Variants in KMT2C observed in about 807,000 individuals in gnomAD.
KMT2C encodes lysine methyltransferase 2C.
Under a neutral mutation model 507.9 loss-of-function variants are expected in KMT2C, and 88 were observed. That is an observed-to-expected ratio of 0.17 (90% CI 0.15 to 0.21). KMT2C has a LOEUF of 0.21. Ranked by LOEUF, KMT2C falls within the 10% of genes least tolerant of loss-of-function variation. The pLI is 1.00. For synonymous variants in KMT2C, 2,049 were observed against 2,080.8 expected (o/e 0.98, Z 0.42); for missense variants, 4,954 against 5,957.8 (o/e 0.83, Z 5.55).
chr7:152,150,481 T>G (rs1206198961), intron 51 of KMT2C, among the ~76,000 whole-genome samples: 6 of 152,032 alleles, frequency 3.9e-5, no homozygotes, highest in African/African-American at 1.4e-4. Context: ...CTGGGCGTGG[T>G]GGCACGCACC....
chr7:152,318,979 G>T (rs2096747098), intron 3 of KMT2C, among the ~76,000 whole-genome samples: 1 of 152,088 alleles, frequency 6.6e-6, no homozygotes, highest in African/African-American at 2.4e-5. Context: ...TCCAAAATCT[G>T]AAATGCTCCG....
At chr7:152,234,811 G>T (rs2095230360) in intron 16 of KMT2C, among the ~76,000 whole-genome samples, 1 of 152,034 alleles carries the variant, frequency 6.6e-6, no homozygotes. Context: ...ACGGAGGTGG[G>T]AGGTCGAAGC....
At chr7:152,424,052 A>G (rs1427005848) in intron 1 of KMT2C, among the ~76,000 whole-genome samples, 1 of 152,200 alleles carries the variant, frequency 6.6e-6, no homozygotes, top group Non-Finnish European at 1.5e-5. Context: ...GAGAAACTTC[A>G]TTTAACTATT....
intron 42 of KMT2C, 29 bp downstream of exon 42, chr7:152,167,117 A>ACCC (rs1036484953): frequency 3.3e-6 from 5 of 1,519,700 alleles, no homozygotes; most frequent in Non-Finnish European, 2.7e-6. Flanking sequence ...AATTGTTGGT[A>ACCC]GTTTCTATTT....
rs1311674465 is a variant in KMT2C at position 152,176,740 on chromosome 7, C to T, written c.8713G>A (p.Val2905Ile). 1.9e-6 allele frequency: 3 copies of T among 1,614,004 alleles called. No individual in the cohort carries two copies. The highest frequency in any genetic ancestry group is 2.5e-6 in the Non-Finnish European group (3 of 1,180,002). The change falls in exon 38 of 59, where the codon GTA becomes ATA. Residue 2905 changes from valine to isoleucine, a missense_variant. By Grantham distance (29) the Val-to-Ile change is conservative. Around this residue, in one of 29 missense-constraint regions of KMT2C, gnomAD observed 1,689 missense variants for 1,654.3 expected, o/e 1.02. Transcript: ENST00000262189. ...CCAGTTATGCCACAAGAGTTTATTA[C>T]ATCTTGAGCAGGTAGTTGAGTGGAT... ...QASTQLPAQD[V>I]INSCGITGST...
At chr7:152,273,451 A>G (rs1358015546) in intron 7 of KMT2C, among the ~76,000 whole-genome samples, 4 of 152,212 alleles carry the variant, frequency 2.6e-5, no homozygotes, top group Middle Eastern at 3.2e-3. Flanking sequence ...TGGTTTTTAA[A>G]ATGTTTTAAG....
intron 26 of KMT2C, among the ~76,000 whole-genome samples, chr7:152,201,235 A>G (rs933751421): frequency 2.0e-5 from 3 of 151,602 alleles, no homozygotes; most frequent in Non-Finnish European, 2.9e-5. Flanking sequence ...TATCGTCTCT[A>G]AAAGTCCAAG....
intron 18 of KMT2C, among the ~76,000 whole-genome samples, chr7:152,229,182 C>G (rs1451229306): frequency 6.6e-6 from 1 of 152,132 alleles, no homozygotes; most frequent in Non-Finnish European, 1.5e-5. Flanking sequence ...TATGGCAGTA[C>G]TAGAAAAGAT....
Position 152,181,992 on chromosome 7 carries a change from GGAA to G in KMT2C, c.5865_5867del (p.Ser1956del), listed in dbSNP as rs1215281754. On this transcript the variant is annotated inframe_deletion, in exon 36 of 59. Coordinates refer to ENST00000262189, the MANE Select transcript of KMT2C (RefSeq NM_170606.3). The stretch of plus-strand genomic sequence containing the variant: ...TTGCATAGGGGTCATTATTTGTCGT[GGAA>G]GAAGAACATAAATCTCTGACAGGGG... The G allele has an allele frequency of 7.4e-6, 12 of 1,613,982 alleles. No homozygotes were observed. Among genetic ancestry groups the G allele is most frequent in the Non-Finnish European group, 9.3e-6 (11 of 1,180,036 alleles).
At chr7:152,236,050 AGTAT>A (rs1414136390) in intron 15 of KMT2C, 117 bp from the exon 16 acceptor site, 5 of 597,322 alleles carry the variant, frequency 8.4e-6, no homozygotes, top group Non-Finnish European at 1.5e-5. Context: ...TCCTTAGATA[AGTAT>A]TAAGAGACCT....
chr7:152,315,359 G>C (rs370539736), intron 3 of KMT2C, 21 bp from the exon 4 acceptor site: 1 of 1,583,232 alleles, frequency 6.3e-7, no homozygotes, highest in Non-Finnish European at 8.7e-7. Context: ...TGAAATGTAA[G>C]TCAGAGAAGG....
chr7:152,209,949 C>T (rs954774274), intron 23 of KMT2C, among the ~76,000 whole-genome samples: 1 of 152,124 alleles, frequency 6.6e-6, no homozygotes, highest in Non-Finnish European at 1.5e-5. Flanking sequence ...AGAAGTCATA[C>T]TCCCTACATC....
intron 1 of KMT2C, among the ~76,000 whole-genome samples, chr7:152,395,769 C>A (rs567464180): frequency 6.6e-6 from 1 of 152,108 alleles, no homozygotes; most frequent in African/African-American, 2.4e-5. Context: ...CAGCCTCAGG[C>A]GTGAACCACC....
At chr7:152,318,834 A>G (rs2096745928) in intron 3 of KMT2C, among the ~76,000 whole-genome samples, 2 of 152,136 alleles carry the variant, frequency 1.3e-5, no homozygotes, top group Admixed American at 6.5e-5. Flanking sequence ...GAGATGAAAA[A>G]GATGTTACAC....
chr7:152,247,530 T>C (rs2095491366), intron 14 of KMT2C, among the ~76,000 whole-genome samples: 1 of 152,312 alleles, frequency 6.6e-6, no homozygotes, highest in Non-Finnish European at 1.5e-5. Flanking sequence ...TAAATAAATA[T>C]ATTAGAAGGA....
At chr7:152,167,061 T>C (rs2092763053) in intron 42 of KMT2C, 85 bp downstream of exon 42, 1 of 1,089,744 alleles carries the variant, frequency 9.2e-7, no homozygotes. Context: ...AAAAAATCAC[T>C]AGTCAAAGTC....
At position 152,177,312 on chromosome 7, in the gene KMT2C, T is replaced by G; in HGVS notation, c.8141A>C (p.Asp2714Ala). 6.2e-7 allele frequency: 1 copy of G among 1,614,112 alleles called. No homozygotes were observed. Among genetic ancestry groups the G allele is most frequent in the Non-Finnish European group, 8.5e-7 (1 of 1,180,018 alleles). The stretch of plus-strand genomic sequence containing the variant: ...TAAATTTAAGTTTTCAAGATCTTCA[T>G]CATCTAAGTCTTTGACTTCAACCCC... ...LEGVEVKDLDDEDLENLNLDT... is the reference protein window; with the variant it reads ...LEGVEVKDLDAEDLENLNLDT... The change falls in exon 38 of 59, where the codon GAT becomes GCT. Residue 2714 changes from aspartate to alanine, a missense_variant. By Grantham distance (126) the Asp-to-Ala change is moderately radical. Coordinates refer to ENST00000262189, the MANE Select transcript of KMT2C (RefSeq NM_170606.3).
intron 2 of KMT2C, among the ~76,000 whole-genome samples, chr7:152,340,940 G>C (rs1486303801): frequency 1.3e-5 from 2 of 152,024 alleles, no homozygotes; most frequent in African/African-American, 4.8e-5. Context: ...CTGTTCTCTA[G>C]GTGTTTTATT....
intron 3 of KMT2C, among the ~76,000 whole-genome samples, chr7:152,323,604 A>ACTC (rs1356157076): frequency 6.7e-6 from 1 of 150,004 alleles, no homozygotes; most frequent in Non-Finnish European, 1.5e-5. Context: ...ATGGCACTGT[A>ACTC]CTCCAGCCTG....
Sources: gnomAD v4.1 joint callset for allele counts (sites outside exome capture counted in the v4.1 genomes callset) on GRCh38, gnomAD v4.1.1 for gene constraint, gnomAD v4.1.1 regional missense constraint, MANE v1.5 for transcripts, NCBI Gene and HGNC (gene_info 2026-07-23, HGNC 2026-07-21) for gene names.